The following LHFPL3 variants were observed in gnomAD, a reference collection of about 807,000 sequenced individuals.
The protein encoded by LHFPL3 is LHFPL tetraspan subfamily member 3, also known as LHFPL tetraspan subfamily member 3 protein.
LHFPL3 carries 5 observed loss-of-function variants against 19.3 expected under a neutral mutation model. That is an observed-to-expected ratio of 0.26 (90% CI 0.14 to 0.54). The LOEUF is 0.54. Among genes scored for constraint, LHFPL3 ranks in the 20% least tolerant of loss-of-function variants. The pLI, the probability that LHFPL3 is intolerant of heterozygous loss-of-function variation, is 0.94. For synonymous variants in LHFPL3, 133 were observed against 126.2 expected, an observed-to-expected ratio of 1.05 and a Z score of -0.36; for missense variants, 249 against 307.4, an observed-to-expected ratio of 0.81 and a Z score of 1.42.
intron 1 of LHFPL3, among the ~76,000 whole-genome samples, chr7:104,591,132 A>G (rs1790712284): frequency 6.6e-6 from 1 of 152,136 alleles, no homozygotes. Flanking sequence ...TAATATTATT[A>G]TGTGTGAATT....
intron 1 of LHFPL3, among the ~76,000 whole-genome samples, chr7:104,365,827 G>A (rs975633273): frequency 2.0e-5 from 3 of 150,122 alleles, no homozygotes; most frequent in Non-Finnish European, 3.0e-5. Context: ...TTCCAGCTAG[G>A]CCATCTTCCT....
intron 2 of LHFPL3, among the ~76,000 whole-genome samples, chr7:104,828,246 C>A (rs1331289799): frequency 6.6e-6 from 1 of 151,960 alleles, no homozygotes; most frequent in Non-Finnish European, 1.5e-5. Flanking sequence ...ACATAGTCAA[C>A]TTTCCTGGGC....
chr7:104,685,878 A>C (rs540877484), intron 1 of LHFPL3, among the ~76,000 whole-genome samples: 1 of 152,338 alleles, frequency 6.6e-6, no homozygotes, highest in East Asian at 1.9e-4. Context: ...GATGAGGAAG[A>C]ATCAAAGTAA....
intron 1 of LHFPL3, among the ~76,000 whole-genome samples, chr7:104,671,274 TATTGATTGTA>T (rs2116041268): frequency 6.6e-6 from 1 of 152,046 alleles, no homozygotes; most frequent in East Asian, 1.9e-4. Context: ...AAAAAAAAAC[TATTGATTGTA>T]GATAATGAAA....
chr7:104,518,531 A>T (rs1324272045), intron 1 of LHFPL3, among the ~76,000 whole-genome samples: 1 of 152,032 alleles, frequency 6.6e-6, no homozygotes, highest in Non-Finnish European at 1.5e-5. Context: ...TTAAAAGTGC[A>T]ATGCCACTTT....
chr7:104,809,044 G>A (rs912042540), intron 2 of LHFPL3, among the ~76,000 whole-genome samples: 4 of 151,922 alleles, frequency 2.6e-5, no homozygotes, highest in Non-Finnish European at 5.9e-5. Context: ...TACAGGTGGT[G>A]CCACCAGGCC....
At chr7:104,406,980 C>T (rs1444915688) in intron 1 of LHFPL3, among the ~76,000 whole-genome samples, 1 of 152,188 alleles carries the variant, frequency 6.6e-6, no homozygotes, top group African/African-American at 2.4e-5. Flanking sequence ...TAGATCCCTG[C>T]TTGTCCACTT....
chr7:104,514,687 T>C (rs1421710823), intron 1 of LHFPL3, among the ~76,000 whole-genome samples: 1 of 152,164 alleles, frequency 6.6e-6, no homozygotes, highest in East Asian at 1.9e-4. Context: ...TCAAACCTGA[T>C]TGCAAATTAG....
chr7:104,463,350 T>C (rs1792713827), intron 1 of LHFPL3, among the ~76,000 whole-genome samples: 1 of 152,202 alleles, frequency 6.6e-6, no homozygotes, highest in South Asian at 2.1e-4. Context: ...GAAATCTTTC[T>C]AACTCTTTGA....
At chr7:104,851,914 C>A (rs1015063610) in intron 2 of LHFPL3, among the ~76,000 whole-genome samples, 2 of 152,048 alleles carry the variant, frequency 1.3e-5, no homozygotes, top group African/African-American at 4.8e-5. Flanking sequence ...ACCACGTGGG[C>A]AGAGCAGGAG....
At chr7:104,773,830 G>C (rs1241514987) in intron 2 of LHFPL3, among the ~76,000 whole-genome samples, 1 of 151,588 alleles carries the variant, frequency 6.6e-6, no homozygotes, top group African/African-American at 2.4e-5. Flanking sequence ...GCCTGGGACA[G>C]ATGTTCCCTT....
chr7:104,607,257 G>C (rs1791120660), intron 1 of LHFPL3, among the ~76,000 whole-genome samples: 1 of 152,240 alleles, frequency 6.6e-6, no homozygotes, highest in Admixed American at 6.5e-5. Context: ...AATGACCAAG[G>C]ACAGTGTGGA....
intron 1 of LHFPL3, among the ~76,000 whole-genome samples, chr7:104,510,357 C>T (rs982155816): frequency 2.0e-5 from 3 of 152,054 alleles, no homozygotes; most frequent in African/African-American, 7.2e-5. Context: ...GTAATCAAGA[C>T]TGTGGTATTG....
At chr7:104,547,467 G>C (rs1215037526) in intron 1 of LHFPL3, among the ~76,000 whole-genome samples, 1 of 152,106 alleles carries the variant, frequency 6.6e-6, no homozygotes, top group Non-Finnish European at 1.5e-5. Flanking sequence ...GAGAATTATA[G>C]AGTATGAGTA....
At chr7:104,482,161 C>T (rs1191944011) in intron 1 of LHFPL3, among the ~76,000 whole-genome samples, 1 of 152,182 alleles carries the variant, frequency 6.6e-6, no homozygotes, top group Non-Finnish European at 1.5e-5. Flanking sequence ...GCTACTCACA[C>T]TGGACTCCTG....
intron 2 of LHFPL3, among the ~76,000 whole-genome samples, chr7:104,830,790 G>C (rs1197776321): frequency 6.6e-6 from 1 of 151,804 alleles, no homozygotes; most frequent in African/African-American, 2.4e-5. Flanking sequence ...TTGTTCTTTT[G>C]GCTTAGGATT....
chr7:104,841,712 G>A (rs1791213945), intron 2 of LHFPL3, among the ~76,000 whole-genome samples: 2 of 152,160 alleles, frequency 1.3e-5, no homozygotes, highest in African/African-American at 4.8e-5. Context: ...TACTAGCTAT[G>A]ATATAAAACT....
At chr7:104,355,095 C>G (rs183039829) in intron 1 of LHFPL3, among the ~76,000 whole-genome samples, 1 of 152,044 alleles carries the variant, frequency 6.6e-6, no homozygotes, top group African/African-American at 2.4e-5. Flanking sequence ...TTTGGATATG[C>G]CTGATTATTA....
chr7:104,359,917 G>A (rs1248264399), intron 1 of LHFPL3, among the ~76,000 whole-genome samples: 2 of 152,230 alleles, frequency 1.3e-5, no homozygotes, highest in African/African-American at 4.8e-5. Flanking sequence ...CATAGACATG[G>A]TTTTATTTTT....
Sources: allele counts gnomAD v4.1 joint callset (sites outside exome capture counted in the v4.1 genomes callset), GRCh38; gene constraint gnomAD v4.1.1; transcripts MANE v1.5; gene names NCBI Gene and HGNC (gene_info 2026-07-23, HGNC 2026-07-21).